Variants in CREBRF observed in about 807,000 individuals in gnomAD.
CREBRF encodes the protein UPF0474 protein C5orf41.
In CREBRF, 5 loss-of-function variants were observed where a neutral mutation model predicts 66.1. The ratio of observed to expected loss-of-function variants is 0.08; its 90% CI spans 0.04 to 0.16. The LOEUF (loss-of-function observed/expected upper bound fraction) is 0.16, where lower values mean the gene tolerates loss of function less well. Ranked by LOEUF, CREBRF falls within the 10% of genes least tolerant of loss-of-function variation. CREBRF has a pLI of 1.00. For synonymous variants in CREBRF, 229 were observed against 264.4 expected, an observed-to-expected ratio of 0.87 and a Z score of 1.30; for missense variants, 531 against 744.9, an observed-to-expected ratio of 0.71 and a Z score of 3.34.
intron 1 of CREBRF, among the ~76,000 whole-genome samples, chr5:173,065,545 G>A (rs1757407815): frequency 1.3e-5 from 2 of 152,024 alleles, no homozygotes; most frequent in African/African-American, 4.8e-5. Context: ...TGGTACTAAA[G>A]TACCTTTCAT....
At position 173,090,710 on chromosome 5, in the gene CREBRF, C is replaced by T. The variant is rs781220978; in HGVS notation, c.531C>T (p.Ile177=). The T allele has an allele frequency of 6.2e-7, 1 of 1,614,136 alleles. No homozygotes were observed. The highest frequency in any genetic ancestry group is 8.5e-7 in the Non-Finnish European group (1 of 1,180,008). The change falls in exon 4 of 9, where the codon ATC becomes ATT. Residue 177 remains isoleucine, a synonymous_variant. Transcript: ENST00000296953. The surrounding 1 kb of genome is among the most constrained non-coding windows in gnomAD (Gnocchi z 4.5). The part of the protein sequence containing the change: ...PLPSSFPGKK[I]TSRAAAPVCS... ...CCTCTTCATTCCCTGGTAAAAAGAT[C>T]ACAAGCAGAGCAGCTGCTCCTGTGT...
chr5:173,071,858 C>T (rs996385497), intron 1 of CREBRF, among the ~76,000 whole-genome samples: 1 of 151,478 alleles, frequency 6.6e-6, no homozygotes, highest in African/African-American at 2.4e-5. Flanking sequence ...AGTTCGAGAC[C>T]AGCCTGGGTA....
At chr5:173,103,134 C>T (rs143055431) in intron 4 of CREBRF, among the ~76,000 whole-genome samples, 1 of 152,190 alleles carries the variant, frequency 6.6e-6, no homozygotes, top group African/African-American at 2.4e-5. Context: ...TCTTACATAA[C>T]AGGACAGTGG....
intron 1 of CREBRF, among the ~76,000 whole-genome samples, chr5:173,065,555 T>C (rs537541386): frequency 6.6e-6 from 1 of 152,306 alleles, no homozygotes; most frequent in Non-Finnish European, 1.5e-5. Context: ...GTACCTTTCA[T>C]TCTGACTCTA....
intron 8 of CREBRF, among the ~76,000 whole-genome samples, chr5:173,129,147 C>T (rs1402748353): frequency 4.0e-4 from 42 of 106,298 alleles, no homozygotes; most frequent in Non-Finnish European, 4.5e-4. Context: ...GACGGAGTCT[C>T]GCTCTATTGC....
At chr5:173,100,276 A>G (rs922241871) in intron 4 of CREBRF, among the ~76,000 whole-genome samples, 1 of 150,472 alleles carries the variant, frequency 6.6e-6, no homozygotes, top group Admixed American at 6.7e-5. Flanking sequence ...ATGCACAGCC[A>G]AAATTATTTT....
intron 5 of CREBRF, chr5:173,110,142 C>T (rs892485238): frequency 3.7e-6 from 1 of 267,118 alleles, no homozygotes; most frequent in Non-Finnish European, 7.4e-6. Flanking sequence ...TCCAAGCTCT[C>T]TTCCGACTAT....
chr5:173,099,458 A>G (rs1758562374), intron 4 of CREBRF, among the ~76,000 whole-genome samples: 1 of 152,134 alleles, frequency 6.6e-6, no homozygotes, highest in African/African-American at 2.4e-5. Flanking sequence ...GCCTGGCTAT[A>G]TGCATCCTTA....
At chr5:173,088,996 G>A (rs1429470136) in intron 3 of CREBRF, among the ~76,000 whole-genome samples, 1 of 151,858 alleles carries the variant, frequency 6.6e-6, no homozygotes, top group Non-Finnish European at 1.5e-5. Context: ...GACCAAGATG[G>A]TGAAACCTCA....
chr5:173,090,789 G>C lies in CREBRF; in HGVS notation c.610G>C (p.Ala204Pro), dbSNP rs1358683414. Residue 204 changes from alanine (A) to proline (P), a missense_variant, in exon 4 of 9, where the codon GCA becomes CCA. Physicochemically the swap from Ala to Pro is conservative, Grantham distance 27. Coordinates refer to ENST00000296953, the MANE Select transcript of CREBRF (RefSeq NM_153607.3). The surrounding 1 kb of genome is among the most constrained non-coding windows in gnomAD (Gnocchi z 4.5). Reference protein sequence around the residue: ...EVPLSDCVQKASKPTSSTQIM... With the variant: ...EVPLSDCVQKPSKPTSSTQIM... Reference sequence around the variant, plus strand: ...CCCTTTGTCAGACTGTGTCCAAAAAGCAAGTAAACCCACTTCAAGCACACA... The same window carrying C: ...CCCTTTGTCAGACTGTGTCCAAAAACCAAGTAAACCCACTTCAAGCACACA... The C allele has an allele frequency of 2.5e-6, 4 of 1,614,068 alleles. No homozygotes were observed. Among genetic ancestry groups the C allele is most frequent in the Non-Finnish European group, 3.4e-6 (4 of 1,180,046 alleles).
chr5:173,085,520 G>C, intron 2 of CREBRF: 1 of 536,976 alleles, frequency 1.9e-6, no homozygotes, highest in Non-Finnish European at 3.3e-6. Flanking sequence ...AGGTTCAAGC[G>C]ATTCTCCTAC....
chr5:173,100,694 G>A (rs1468533277), intron 4 of CREBRF, among the ~76,000 whole-genome samples: 1 of 152,206 alleles, frequency 6.6e-6, no homozygotes, highest in African/African-American at 2.4e-5. Flanking sequence ...AAAGTGCTGG[G>A]ATTACAGGCG....
chr5:173,115,263 ACTC>A (rs1357780033), intron 7 of CREBRF, among the ~76,000 whole-genome samples: 4 of 148,324 alleles, frequency 2.7e-5, no homozygotes, highest in African/African-American at 9.9e-5. Context: ...ATGCACCACT[ACTC>A]CTGGCTAATT....
At chr5:173,104,495 A>G (rs1356481297) in intron 4 of CREBRF, among the ~76,000 whole-genome samples, 2 of 152,090 alleles carry the variant, frequency 1.3e-5, no homozygotes, top group African/African-American at 4.8e-5. Flanking sequence ...CCTGGGCAAC[A>G]TAGGGAGACT....
intron 1 of CREBRF, among the ~76,000 whole-genome samples, chr5:173,070,534 A>G (rs768013072): frequency 4.4e-4 from 67 of 152,274 alleles, no homozygotes; most frequent in Admixed American, 5.9e-4. Context: ...AGAGAACAAT[A>G]TAACATGCAT....
chr5:173,084,041 G>A (rs535885854), intron 2 of CREBRF, among the ~76,000 whole-genome samples: 36 of 152,252 alleles, frequency 2.4e-4, no homozygotes, highest in Admixed American at 3.9e-4. Flanking sequence ...AGAAAACAGA[G>A]GGGCAAGACA....
At chr5:173,085,487 G>C in intron 2 of CREBRF, 1 of 580,926 alleles carries the variant, frequency 1.7e-6, no homozygotes, top group Non-Finnish European at 3.0e-6. Context: ...CGAGATCTCA[G>C]CTTACTGCAA....
intron 4 of CREBRF, among the ~76,000 whole-genome samples, chr5:173,093,150 G>A (rs1003788580): frequency 1.3e-5 from 2 of 152,094 alleles, no homozygotes; most frequent in Non-Finnish European, 2.9e-5. Context: ...AACAAAGAGA[G>A]GATGGGTAAT....
intron 1 of CREBRF, chr5:173,057,491 G>A (rs750322520): frequency 2.6e-5 from 4 of 152,284 alleles, no homozygotes; most frequent in African/African-American, 7.2e-5. Flanking sequence ...AAGTACCGAG[G>A]GCAGTCAAGC....
Sources: gnomAD v4.1 joint callset for allele counts (sites outside exome capture counted in the v4.1 genomes callset) on GRCh38, gnomAD v4.1.1 for gene constraint, Gnocchi (gnomAD v3.1) non-coding constraint, MANE v1.5 for transcripts, NCBI Gene and HGNC (gene_info 2026-07-23, HGNC 2026-07-21) for gene names.